The following DOK6 variants were observed in gnomAD, a reference collection of about 807,000 sequenced individuals.
The protein encoded by DOK6 is downstream of tyrosine kinase 6.
DOK6 carries 22 observed loss-of-function variants against 44.0 expected under a neutral mutation model. That is an observed-to-expected ratio of 0.50 (90% CI 0.36 to 0.71). The LOEUF (loss-of-function observed/expected upper bound fraction) is 0.71, where lower values mean the gene tolerates loss of function less well. Ranked by LOEUF, DOK6 falls within the 30% of genes least tolerant of loss-of-function variation. The probability of loss-of-function intolerance (pLI) is 0.00; values close to 1 mark genes in which losing one functional copy is unlikely to be tolerated. For synonymous variants in DOK6, 166 were observed against 145.5 expected (o/e 1.14, Z -1.01); for missense variants, 340 against 416.4 (o/e 0.82, Z 1.60).
chr18:69,612,557 CCTA>C (rs1984184710), intron 3 of DOK6, among the ~76,000 whole-genome samples: 1 of 145,448 alleles, frequency 6.9e-6, no homozygotes, highest in Non-Finnish European at 1.5e-5. Context: ...CCAACCGACT[CCTA>C]CATTTCCTTC....
chr18:69,489,421 G>A lies in DOK6; in HGVS notation c.67-75066G>A, dbSNP rs1480161313. 2.6e-5 allele frequency among the ~76,000 whole-genome samples: 4 copies of A among 152,290 alleles called. No homozygotes were observed. In the East Asian group the frequency reaches 7.7e-4, roughly 29 times the overall value. Reference sequence around the variant, plus strand: ...GGGAGGGTAAGCCCGTTTCCATAGTGCTGTGTACTTGCAGTGATTTCAAAT... The same window carrying A: ...GGGAGGGTAAGCCCGTTTCCATAGTACTGTGTACTTGCAGTGATTTCAAAT... On this transcript the variant is annotated intron_variant, in intron 1 of 7. Coordinates refer to ENST00000382713, the MANE Select transcript of DOK6 (RefSeq NM_152721.6).
intron 3 of DOK6, among the ~76,000 whole-genome samples, chr18:69,616,524 C>T (rs1984288590): frequency 6.9e-6 from 1 of 145,000 alleles, no homozygotes; most frequent in African/African-American, 2.6e-5. Context: ...TTCCAAAGGT[C>T]AACCAAGCTC....
chr18:69,501,171 A>G (rs1364621789), intron 1 of DOK6, among the ~76,000 whole-genome samples: 1 of 152,144 alleles, frequency 6.6e-6, no homozygotes, highest in Admixed American at 6.6e-5. Context: ...TACATTTGGA[A>G]CACTATTTTT....
At chr18:69,517,621 G>A (rs996430037) in intron 1 of DOK6, among the ~76,000 whole-genome samples, 6 of 151,174 alleles carry the variant, frequency 4.0e-5, no homozygotes, top group Non-Finnish European at 8.8e-5. Flanking sequence ...ATTACTTTCA[G>A]TTTTAACTTA....
intron 7 of DOK6, among the ~76,000 whole-genome samples, chr18:69,771,649 T>C (rs1344541728): frequency 1.3e-5 from 2 of 152,016 alleles, no homozygotes; most frequent in Non-Finnish European, 2.9e-5. Flanking sequence ...ACCATCTCTA[T>C]GTACATTAGC....
In DOK6 at chr18:69,740,106, C is replaced by T. The variant is rs543799600; in HGVS notation, c.738+1003C>T. 4.6e-4 allele frequency among the ~76,000 whole-genome samples: 70 copies of T among 152,172 alleles called. No homozygotes were observed. The South Asian group carries it at 0.014, about 29-fold the overall frequency. Reference sequence around the variant, plus strand: ...GGTTAAAAAAGAGCCTTCCTAACACCTCAGGAGGGAAAGGGCAACACAGGG... The same window carrying T: ...GGTTAAAAAAGAGCCTTCCTAACACTTCAGGAGGGAAAGGGCAACACAGGG... On this transcript the variant is annotated intron_variant, in intron 6 of 7. Coordinates refer to ENST00000382713, the MANE Select transcript of DOK6 (RefSeq NM_152721.6).
chr18:69,427,915 T>C (rs1037655524), intron 1 of DOK6, among the ~76,000 whole-genome samples: 1 of 152,162 alleles, frequency 6.6e-6, no homozygotes, highest in African/African-American at 2.4e-5. Flanking sequence ...GTAGCTCGAA[T>C]TATAAGTGCC....
chr18:69,607,620 G>A (rs542080864), intron 3 of DOK6, among the ~76,000 whole-genome samples: 32 of 152,126 alleles, frequency 2.1e-4, no homozygotes, highest in Middle Eastern at 6.8e-3. Flanking sequence ...TTTACTTTTG[G>A]AGTAGGGAAA....
In DOK6 at chr18:69,434,987, G is replaced by GGAAA. The variant is rs1169358107; in HGVS notation, c.66+33680_66+33681insAGAA. Among the ~76,000 whole-genome samples, 64 of 133,224 alleles carry GGAAA rather than the reference G, an allele frequency of 4.8e-4. 1 individual carries two copies. Among genetic ancestry groups the GGAAA allele is most frequent in the Middle Eastern group, 4.1e-3 (1 of 246 alleles). 87.4% of individuals were successfully genotyped at this position (133,224 alleles called of 152,430 possible). A position where few individuals can be genotyped will look rare whatever the true frequency, so the allele number is the denominator to read the frequency against. On this transcript the variant is annotated intron_variant, in intron 1 of 7. Coordinates refer to ENST00000382713, the MANE Select transcript of DOK6 (RefSeq NM_152721.6). Reference sequence around the variant, plus strand: ...AGGAAGGAAGGAAGGAAGGAAAGAAGGAAGGAAGGAAGGAAGAAAGATTAG... The same window carrying GGAAA: ...AGGAAGGAAGGAAGGAAGGAAAGAAGGAAAGAAGGAAGGAAGGAAGAAAGATTAG...
intron 1 of DOK6, 64 bp from the exon 2 acceptor site, chr18:69,564,423 C>G (rs113664662): frequency 7.2e-7 from 1 of 1,387,648 alleles, no homozygotes; most frequent in South Asian, 1.3e-5. Flanking sequence ...TTAATTGAAT[C>G]AACTCCTAAT....
At chr18:69,532,544 A>C (rs1024370640) in intron 1 of DOK6, among the ~76,000 whole-genome samples, 1 of 152,206 alleles carries the variant, frequency 6.6e-6, no homozygotes, top group East Asian at 1.9e-4. Context: ...CTTTCAGTTA[A>C]TATTCACTGC....
intron 7 of DOK6, among the ~76,000 whole-genome samples, chr18:69,770,246 G>A (rs1470349536): frequency 6.6e-6 from 1 of 152,042 alleles, no homozygotes; most frequent in Non-Finnish European, 1.5e-5. Context: ...TAAGAAAACC[G>A]TGGCACACAA....
intron 1 of DOK6, among the ~76,000 whole-genome samples, chr18:69,463,404 C>T (rs1979840346): frequency 2.0e-5 from 3 of 151,776 alleles, no homozygotes; most frequent in Admixed American, 2.0e-4. Context: ...TTCAGCAGCC[C>T]TTGGCATTTG....
chr18:69,843,136 C>T lies in DOK6; in HGVS notation c.*1753C>T, dbSNP rs560086855. The T allele has an allele frequency of 6.6e-6, 1 of 152,262 alleles. No individual in the cohort carries two copies. Among genetic ancestry groups the T allele is most frequent in the African/African-American group, 2.4e-5 (1 of 41,550 alleles). 9.4% of individuals were successfully genotyped at this position (152,262 alleles called of 1,614,324 possible). On this transcript the variant is annotated 3_prime_UTR_variant, in exon 8 of 8. Coordinates refer to ENST00000382713, the MANE Select transcript of DOK6 (RefSeq NM_152721.6). ...ATCACTCCACTCGGTATGAAAACCC[C>T]ATCAAGATACTAATCGTAAGAGTTA...
At chr18:69,641,603 T>C (rs1286528037) in intron 3 of DOK6, among the ~76,000 whole-genome samples, 1 of 152,198 alleles carries the variant, frequency 6.6e-6, no homozygotes, top group Non-Finnish European at 1.5e-5. Context: ...TAATCATTAT[T>C]TGACTTATAA....
chr18:69,732,938 A>G (rs1184739908), intron 5 of DOK6, among the ~76,000 whole-genome samples: 2 of 152,190 alleles, frequency 1.3e-5, no homozygotes, highest in Non-Finnish European at 2.9e-5. Flanking sequence ...CTTGACCCAC[A>G]ATTTTTAACA....
intron 1 of DOK6, among the ~76,000 whole-genome samples, chr18:69,528,814 C>G (rs1229676194): frequency 6.6e-6 from 1 of 151,850 alleles, no homozygotes; most frequent in Non-Finnish European, 1.5e-5. Flanking sequence ...CACTTTAGAG[C>G]AACTGACTGT....
chr18:69,421,683 TTA>T (rs1978496301), intron 1 of DOK6, among the ~76,000 whole-genome samples: 1 of 152,192 alleles, frequency 6.6e-6, no homozygotes, highest in Admixed American at 6.5e-5. Flanking sequence ...GAAAACAGTT[TTA>T]TATCTGATAC....
intron 3 of DOK6, among the ~76,000 whole-genome samples, chr18:69,627,078 G>C (rs950686328): frequency 1.3e-5 from 2 of 152,106 alleles, no homozygotes; most frequent in African/African-American, 2.4e-5. Context: ...GCAGTGAGAC[G>C]GGCAGTCATT....
Sources: gnomAD v4.1 joint callset for allele counts (sites outside exome capture counted in the v4.1 genomes callset) on GRCh38, gnomAD v4.1.1 for gene constraint, MANE v1.5 for transcripts, NCBI Gene and HGNC (gene_info 2026-07-23, HGNC 2026-07-21) for gene names.